Variants in GPR158 observed in about 807,000 individuals in gnomAD.
GPR158 encodes the protein G protein-coupled receptor 158, also known as metabotropic glycine receptor.
In GPR158, 30 loss-of-function variants were observed where a neutral mutation model predicts 78.2. That is an observed-to-expected ratio of 0.38 (90% CI 0.29 to 0.52). The LOEUF (loss-of-function observed/expected upper bound fraction) is 0.52. GPR158 is among the 20% of genes least tolerant of loss of function. The pLI is 0.83. For synonymous variants in GPR158, 581 were observed against 591.1 expected, an observed-to-expected ratio of 0.98 and a Z score of 0.25; for missense variants, 1,463 against 1,523.5, an observed-to-expected ratio of 0.96 and a Z score of 0.66.
intron 1 of GPR158, among the ~76,000 whole-genome samples, chr10:25,191,033 T>C (rs1001744783): frequency 1.3e-5 from 2 of 152,210 alleles, no homozygotes; most frequent in South Asian, 4.1e-4. Flanking sequence ...GTATTGACAA[T>C]AATTAGTTCT....
chr10:25,541,695 G>A (rs1377225397), intron 5 of GPR158, among the ~76,000 whole-genome samples: 1 of 151,658 alleles, frequency 6.6e-6, no homozygotes, highest in Non-Finnish European at 1.5e-5. Context: ...ACGTGGCTCT[G>A]GCTAATGACT....
chr10:25,271,509 T>C (rs924402538), intron 2 of GPR158, among the ~76,000 whole-genome samples: 2 of 152,190 alleles, frequency 1.3e-5, no homozygotes, highest in African/African-American at 4.8e-5. Context: ...CTGTTTCCAA[T>C]TGTGCTCCTG....
At chr10:25,225,721 A>G (rs1315776111) in intron 2 of GPR158, among the ~76,000 whole-genome samples, 1 of 152,148 alleles carries the variant, frequency 6.6e-6, no homozygotes, top group African/African-American at 2.4e-5. Context: ...CACTCCAGTC[A>G]TTGGTCTTAT....
intron 2 of GPR158, among the ~76,000 whole-genome samples, chr10:25,272,915 T>C (rs549935400): frequency 2.0e-5 from 3 of 152,306 alleles, no homozygotes; most frequent in East Asian, 1.9e-4. Context: ...CCTAGAATTA[T>C]AAGTGAACCC....
intron 5 of GPR158, among the ~76,000 whole-genome samples, chr10:25,529,590 ATACAAG>A (rs1343256023): frequency 1.3e-5 from 2 of 152,292 alleles, no homozygotes; most frequent in African/African-American, 4.8e-5. Context: ...TTACTCTCAG[ATACAAG>A]TACAAGATAA....
intron 2 of GPR158, among the ~76,000 whole-genome samples, chr10:25,348,341 G>C (rs10508692): frequency 0.078 from 11,652 of 149,162 alleles, 810 homozygotes; most frequent in African/African-American, 0.18. Context: ...AACATTAAAG[G>C]CTATTCATAC....
chr10:25,363,930 GTCTTC>G (rs138746792), intron 2 of GPR158, among the ~76,000 whole-genome samples: 6,251 of 151,928 alleles, frequency 0.041, 336 homozygotes, highest in African/African-American at 0.12. Context: ...CTCTACCCTT[GTCTTC>G]TCTTCTACAA....
At chr10:25,367,828 T>C (rs1008630251) in intron 2 of GPR158, among the ~76,000 whole-genome samples, 1 of 150,500 alleles carries the variant, frequency 6.6e-6, no homozygotes, top group Non-Finnish European at 1.5e-5. Context: ...CTTTGTTTGA[T>C]ATTAATATAG....
chr10:25,328,703 G>C (rs1055103028), intron 2 of GPR158, among the ~76,000 whole-genome samples: 10 of 151,916 alleles, frequency 6.6e-5, no homozygotes, highest in African/African-American at 2.4e-4. Flanking sequence ...AAGGCAGGTG[G>C]ATCACCTGAG....
chr10:25,245,444 A>C (rs1338823622), intron 2 of GPR158, among the ~76,000 whole-genome samples: 1 of 152,204 alleles, frequency 6.6e-6, no homozygotes, highest in Non-Finnish European at 1.5e-5. Context: ...ACTCCTGAAT[A>C]GTAACCTAGA....
intron 2 of GPR158, among the ~76,000 whole-genome samples, chr10:25,276,972 C>T (rs1854192601): frequency 6.7e-6 from 1 of 148,440 alleles, no homozygotes; most frequent in Admixed American, 6.7e-5. Context: ...TTATAATAGA[C>T]AGGGTCTCAC....
At chr10:25,433,210 A>G (rs956182975) in intron 4 of GPR158, among the ~76,000 whole-genome samples, 4 of 152,252 alleles carry the variant, frequency 2.6e-5, no homozygotes, top group Non-Finnish European at 4.4e-5. Context: ...TATCTCTCAC[A>G]CGTTTACAAT....
intron 5 of GPR158, among the ~76,000 whole-genome samples, chr10:25,524,605 C>G (rs906819786): frequency 4.6e-5 from 7 of 152,232 alleles, no homozygotes; most frequent in African/African-American, 1.7e-4. Flanking sequence ...TGAGTTGGAT[C>G]CCTAGTTCAT....
At chr10:25,383,754 GAA>G (rs890028631) in intron 2 of GPR158, among the ~76,000 whole-genome samples, 1 of 148,370 alleles carries the variant, frequency 6.7e-6, no homozygotes, top group African/African-American at 2.5e-5. Flanking sequence ...AAGAAGAATA[GAA>G]AAAAAAAAGT....
chr10:25,255,758 C>A (rs550224331), intron 2 of GPR158, among the ~76,000 whole-genome samples: 180 of 152,190 alleles, frequency 1.2e-3, no homozygotes, highest in Non-Finnish European at 2.0e-3. Context: ...GAATAACTCA[C>A]CTGATTAAGT....
At chr10:25,362,634 T>G (rs543188980) in intron 2 of GPR158, among the ~76,000 whole-genome samples, 1 of 152,070 alleles carries the variant, frequency 6.6e-6, no homozygotes, top group South Asian at 2.1e-4. Context: ...AGCAAAGTTT[T>G]GTAGTTTTCA....
At chr10:25,195,481 C>T (rs1320048281) in intron 1 of GPR158, among the ~76,000 whole-genome samples, 1 of 152,178 alleles carries the variant, frequency 6.6e-6, no homozygotes, top group Non-Finnish European at 1.5e-5. Context: ...GCTGGGATTA[C>T]AGCCATAAGC....
chr10:25,295,057 C>T (rs1854493063), intron 2 of GPR158, among the ~76,000 whole-genome samples: 1 of 152,192 alleles, frequency 6.6e-6, no homozygotes, highest in Non-Finnish European at 1.5e-5. Flanking sequence ...TTTACCTAGC[C>T]CTTTCTCAAT....
chr10:25,460,738 T>C (rs1835348750), intron 4 of GPR158, among the ~76,000 whole-genome samples: 1 of 152,174 alleles, frequency 6.6e-6, no homozygotes, highest in Non-Finnish European at 1.5e-5. Flanking sequence ...ACATACCTTG[T>C]TTTATTGTGC....
Sources: allele counts gnomAD v4.1 joint callset (sites outside exome capture counted in the v4.1 genomes callset), GRCh38; gene constraint gnomAD v4.1.1; transcripts MANE v1.5; gene names NCBI Gene and HGNC (gene_info 2026-07-23, HGNC 2026-07-21).